The following DPP6 variants were observed in gnomAD, a reference collection of about 807,000 sequenced individuals.
DPP6 encodes the protein A-type potassium channel modulatory protein DPP6.
Under a neutral mutation model 122.6 loss-of-function variants are expected in DPP6, and 69 were observed. That is an observed-to-expected ratio of 0.56 (90% confidence interval 0.46 to 0.69). The LOEUF (loss-of-function observed/expected upper bound fraction) is 0.69, where lower values mean the gene tolerates loss of function less well. DPP6 is among the 30% of genes least tolerant of loss of function. The pLI, the probability that DPP6 is intolerant of heterozygous loss-of-function variation, is 0.00. For missense variants in DPP6, 928 were observed against 1,116.9 expected (o/e 0.83, Z 2.41); for synonymous variants, 418 against 433.1 (o/e 0.97, Z 0.43).
At chr7:154,696,139 G>A (rs1840204249) in intron 7 of DPP6, among the ~76,000 whole-genome samples, 1 of 152,216 alleles carries the variant, frequency 6.6e-6, no homozygotes, top group African/African-American at 2.4e-5. Flanking sequence ...CGCCTCATCA[G>A]CCGGAGGACA....
At chr7:154,270,410 A>G (rs1803708705) in intron 1 of DPP6, among the ~76,000 whole-genome samples, 1 of 152,228 alleles carries the variant, frequency 6.6e-6, no homozygotes, top group African/African-American at 2.4e-5. Context: ...AAAGAAAAGC[A>G]AAAGAAAACA....
chr7:154,500,108 G>A (rs144264299), intron 3 of DPP6, among the ~76,000 whole-genome samples: 11 of 152,182 alleles, frequency 7.2e-5, no homozygotes, highest in South Asian at 2.1e-4. Flanking sequence ...TAGGTGGCTC[G>A]TCACACTACA....
At chr7:154,016,347 G>GT (rs11445476) in intron 1 of DPP6, among the ~76,000 whole-genome samples, 148,852 of 152,148 alleles carry the variant, frequency 0.98, 72,824 homozygotes, top group East Asian at 1. Context: ...TAGTTAGGAA[G>GT]CATTATATAA....
At chr7:154,448,359 A>G (rs965703194) in intron 2 of DPP6, among the ~76,000 whole-genome samples, 1 of 152,212 alleles carries the variant, frequency 6.6e-6, no homozygotes, top group African/African-American at 2.4e-5. Flanking sequence ...ATACTTAAGA[A>G]TAAATTTAAC....
At chr7:154,495,392 T>G (rs1824642609) in intron 3 of DPP6, among the ~76,000 whole-genome samples, 1 of 66,376 alleles carries the variant, frequency 1.5e-5, no homozygotes, top group African/African-American at 5.0e-5. Context: ...TGTTGTGGTT[T>G]TTTTTTTTTT....
At position 154,241,246 on chromosome 7, in the gene DPP6, C is replaced by T. The variant is rs1291523507; in HGVS notation, c.243+188183C>T. Among the ~76,000 whole-genome samples, 1 of 145,358 alleles carries T rather than the reference C, an allele frequency of 6.9e-6. No individual in the cohort carries two copies. Among genetic ancestry groups the T allele is most frequent in the Non-Finnish European group, 1.5e-5 (1 of 66,458 alleles). On this transcript the variant is annotated intron_variant, in intron 1 of 25. Coordinates refer to ENST00000377770, the MANE Select transcript of DPP6 (RefSeq NM_130797.4). The surrounding 1 kb of genome is among the most constrained non-coding windows in gnomAD (Gnocchi z 9.0). ...ATATATATATAGAGAGAGAGAGAGA[C>T]ACTTTTATCCATTTAGGAAGACAAA...
chr7:154,453,873 C>A (rs1820602392), intron 2 of DPP6, among the ~76,000 whole-genome samples: 1 of 152,000 alleles, frequency 6.6e-6, no homozygotes, highest in African/African-American at 2.4e-5. Context: ...GTACTGCTAC[C>A]CAATTTTTAA....
At position 154,885,735 on chromosome 7, in the gene DPP6, A is replaced by G; in HGVS notation, c.2236A>G (p.Lys746Glu). 6.3e-7 allele frequency: 1 copy of G among 1,592,900 alleles called. No individual in the cohort carries two copies. Among genetic ancestry groups the G allele is most frequent in the Non-Finnish European group, 8.5e-7 (1 of 1,169,748 alleles). Reference sequence around the variant, plus strand: ...TGCTCTCTCTCCAATAACAGACTTCAAACTCTATGGTAAATAGCCCTGCAG... The same window carrying G: ...TGCTCTCTCTCCAATAACAGACTTCGAACTCTATGGTAAATAGCCCTGCAG... The part of the protein sequence containing the change: ...GSALSPITDF[K>E]LYASAFSERY... Residue 746 changes from lysine (K) to glutamate (E), a missense_variant, in exon 22 of 26, where the codon AAA (lysine) becomes GAA (glutamate). Lys to Glu is a moderately conservative substitution (Grantham distance 56, BLOSUM62 1). Transcript: ENST00000377770.
intron 1 of DPP6, among the ~76,000 whole-genome samples, chr7:154,027,880 C>G (rs1799024537): frequency 6.6e-6 from 1 of 151,704 alleles, no homozygotes; most frequent in African/African-American, 2.4e-5. Flanking sequence ...ACCTATCATA[C>G]TGACAGCATG....
chr7:153,952,215 A>G (rs1433133308), intron 1 of DPP6, among the ~76,000 whole-genome samples: 1 of 152,212 alleles, frequency 6.6e-6, no homozygotes, highest in Non-Finnish European at 1.5e-5. Context: ...AACACTTAGT[A>G]TATGCTCAAT....
chr7:154,615,430 A>G (rs1834175994), intron 5 of DPP6, among the ~76,000 whole-genome samples: 1 of 152,194 alleles, frequency 6.6e-6, no homozygotes, highest in South Asian at 2.1e-4. Context: ...TTCTTTCCAA[A>G]TGACTATTAA....
At chr7:154,266,919 A>G (rs1803458372) in intron 1 of DPP6, among the ~76,000 whole-genome samples, 2 of 152,248 alleles carry the variant, frequency 1.3e-5, no homozygotes, top group South Asian at 4.1e-4. Context: ...CATTACAACT[A>G]ACCTTGTCAG....
intron 6 of DPP6, among the ~76,000 whole-genome samples, chr7:154,639,798 T>G (rs2041754779): frequency 6.6e-6 from 1 of 152,174 alleles, no homozygotes; most frequent in African/African-American, 2.4e-5. Flanking sequence ...ATGCCCCTGG[T>G]TTATTGGTTA....
upstream of DPP6, among the ~76,000 whole-genome samples, chr7:153,883,238 A>G (rs540001935): frequency 3.9e-5 from 6 of 152,342 alleles, no homozygotes; most frequent in African/African-American, 1.4e-4. Flanking sequence ...GGGATAGGGA[A>G]TGAACTTCTG....
chr7:154,168,373 G>C (rs370397863), intron 1 of DPP6, among the ~76,000 whole-genome samples: 1 of 152,282 alleles, frequency 6.6e-6, no homozygotes, highest in Non-Finnish European at 1.5e-5. Flanking sequence ...TGATCACCCT[G>C]CTAGGGCCTA....
intron 5 of DPP6, among the ~76,000 whole-genome samples, chr7:154,621,195 A>C (rs538640622): frequency 6.6e-6 from 1 of 152,206 alleles, no homozygotes; most frequent in Non-Finnish European, 1.5e-5. Context: ...TTTAGCTTCT[A>C]CTGGCAACTA....
chr7:154,814,758 T>C (rs1799306053), intron 16 of DPP6, among the ~76,000 whole-genome samples: 1 of 152,224 alleles, frequency 6.6e-6, no homozygotes, highest in South Asian at 2.1e-4. Flanking sequence ...CACGTTTCTC[T>C]CGAGCTTCTG....
chr7:153,854,423 C>T, the DPP6 span, among the ~76,000 whole-genome samples: 6 of 151,170 alleles, frequency 4.0e-5, no homozygotes, highest in Admixed American at 1.3e-4. Context: ...AAAAAGTGGG[C>T]GAAGGACATG....
chr7:153,784,540 T>A, the DPP6 span, among the ~76,000 whole-genome samples: 1 of 152,228 alleles, frequency 6.6e-6, no homozygotes, highest in African/African-American at 2.4e-5. Flanking sequence ...TTGGATGACA[T>A]AGTGTGATCA....
Sources: allele counts gnomAD v4.1 joint callset (sites outside exome capture counted in the v4.1 genomes callset), GRCh38; gene constraint gnomAD v4.1.1; non-coding constraint Gnocchi (gnomAD v3.1); transcripts MANE v1.5; gene names NCBI Gene and HGNC (gene_info 2026-07-23, HGNC 2026-07-21).